Variants in MPP7 observed in about 807,000 individuals in gnomAD.
MPP7 encodes the protein MAGUK p55 scaffold protein 7.
A neutral mutation model predicts 76.5 loss-of-function variants in MPP7; 60 were observed. The ratio of observed to expected loss-of-function variants is 0.78; its 90% CI spans 0.64 to 0.97. The LOEUF (loss-of-function observed/expected upper bound fraction) is 0.97, where lower values mean the gene tolerates loss of function less well. MPP7 is among the 50% of genes least tolerant of loss of function. MPP7 has a pLI of 0.00. For missense variants in MPP7, 641 were observed against 694.0 expected, an observed-to-expected ratio of 0.92 and a Z score of 0.86; for synonymous variants, 237 against 244.5, an observed-to-expected ratio of 0.97 and a Z score of 0.29.
chr10:28,155,737 T>C (rs1447694264), intron 3 of MPP7, among the ~76,000 whole-genome samples: 1 of 152,042 alleles, frequency 6.6e-6, no homozygotes, highest in East Asian at 1.9e-4. Flanking sequence ...GAAAACCTGT[T>C]AGGAGGATAT....
intron 5 of MPP7, among the ~76,000 whole-genome samples, chr10:28,134,089 T>C (rs549088123): frequency 6.6e-6 from 1 of 152,348 alleles, no homozygotes; most frequent in South Asian, 2.1e-4. Flanking sequence ...GTCTGGGTCA[T>C]AGATATATAG....
chr10:28,145,836 CTAAT>C (rs1259685406), intron 5 of MPP7, among the ~76,000 whole-genome samples: 5 of 152,108 alleles, frequency 3.3e-5, no homozygotes, highest in East Asian at 1.9e-4. Context: ...TAAAATTTAA[CTAAT>C]TATTATAAAA....
At chr10:28,064,477 A>G (rs1398873610) in intron 13 of MPP7, among the ~76,000 whole-genome samples, 4 of 152,218 alleles carry the variant, frequency 2.6e-5, no homozygotes, top group Non-Finnish European at 5.9e-5. Context: ...CCAAGGGCAC[A>G]AGGAAATTTT....
At chr10:28,274,201 C>G (rs1840419786) in intron 1 of MPP7, among the ~76,000 whole-genome samples, 1 of 147,018 alleles carries the variant, frequency 6.8e-6, no homozygotes, top group South Asian at 2.1e-4. Flanking sequence ...CTCCCAGGTT[C>G]ATGCCATTCT....
At chr10:28,248,168 A>G (rs1839497149) in intron 1 of MPP7, among the ~76,000 whole-genome samples, 1 of 152,146 alleles carries the variant, frequency 6.6e-6, no homozygotes. Context: ...ACAGCCTGCT[A>G]GTGGACTGCT....
intron 1 of MPP7, among the ~76,000 whole-genome samples, chr10:28,277,374 A>T (rs910124080): frequency 1.5e-4 from 23 of 151,900 alleles, no homozygotes; most frequent in Non-Finnish European, 1.3e-4. Context: ...AAAAAAAAAA[A>T]AATTAATTAA....
At chr10:28,156,766 T>G (rs940601987) in intron 3 of MPP7, among the ~76,000 whole-genome samples, 1 of 152,124 alleles carries the variant, frequency 6.6e-6, no homozygotes, top group African/African-American at 2.4e-5. Flanking sequence ...ATCTACATGT[T>G]TATTAACAGG....
chr10:28,328,320 TTAACTC>T (rs1349503739), intron 2 of MPP7, among the ~76,000 whole-genome samples: 1 of 152,244 alleles, frequency 6.6e-6, no homozygotes, highest in Non-Finnish European at 1.5e-5. Context: ...AAATTGAACA[TTAACTC>T]TAGTATTCCC....
At chr10:28,125,977 G>A (rs1474714656) in intron 6 of MPP7, among the ~76,000 whole-genome samples, 1 of 152,128 alleles carries the variant, frequency 6.6e-6, no homozygotes, top group Non-Finnish European at 1.5e-5. Flanking sequence ...CTGCTAAAAA[G>A]GTATGCTTTT....
At chr10:28,181,326 C>T (rs1837051091) in intron 3 of MPP7, among the ~76,000 whole-genome samples, 1 of 152,146 alleles carries the variant, frequency 6.6e-6, no homozygotes. Context: ...ATTCCTAATT[C>T]CTATTTTATT....
chr10:28,123,985 T>G, intron 8 of MPP7, 46 bp downstream of exon 8: 2 of 1,266,022 alleles, frequency 1.6e-6, no homozygotes, highest in Non-Finnish European at 2.3e-6. Context: ...AATACAGTGA[T>G]TCGATTTTAT....
intron 1 of MPP7, among the ~76,000 whole-genome samples, chr10:28,262,194 T>TATATATATAC (rs1554860385): frequency 2.6e-4 from 5 of 19,514 alleles, no homozygotes; most frequent in Non-Finnish European, 5.9e-4. Context: ...ATTATATATA[T>TATATATATAC]ATATATATAT....
chr10:28,325,813 A>G (rs1834407395), intron 2 of MPP7, among the ~76,000 whole-genome samples: 1 of 151,998 alleles, frequency 6.6e-6, no homozygotes, highest in Admixed American at 6.6e-5. Context: ...CATTTCTACA[A>G]AAAATTTAAA....
chr10:28,161,346 C>T (rs1267066396), intron 3 of MPP7, among the ~76,000 whole-genome samples: 4 of 151,392 alleles, frequency 2.6e-5, no homozygotes, highest in Non-Finnish European at 4.4e-5. Context: ...TCCCCACCCC[C>T]TCCCACCCCC....
chr10:28,212,710 C>T (rs1179374471), intron 2 of MPP7, among the ~76,000 whole-genome samples: 4 of 152,142 alleles, frequency 2.6e-5, no homozygotes, highest in South Asian at 2.1e-4. Context: ...ACTCCGAGTG[C>T]TGTAATCTCA....
chr10:28,260,761 C>G (rs188754038), intron 1 of MPP7, among the ~76,000 whole-genome samples: 138 of 122,084 alleles, frequency 1.1e-3, no homozygotes, highest in Non-Finnish European at 2.0e-3. Context: ...AACAGAGAGA[C>G]TCCATCTCAA....
chr10:28,232,527 T>C (rs1267863132), intron 2 of MPP7, among the ~76,000 whole-genome samples: 1 of 152,172 alleles, frequency 6.6e-6, no homozygotes, highest in Non-Finnish European at 1.5e-5. Context: ...GCTAGGGAGT[T>C]AATTTTTTTA....
At chr10:28,290,161 A>G (rs1190251561) in intron 1 of MPP7, among the ~76,000 whole-genome samples, 2 of 152,214 alleles carry the variant, frequency 1.3e-5, no homozygotes, top group Admixed American at 6.5e-5. Flanking sequence ...ATTGATACAT[A>G]CAGTACATAA....
chr10:28,127,843 A>AAGAC (rs1835068429), intron 6 of MPP7, among the ~76,000 whole-genome samples: 1 of 152,188 alleles, frequency 6.6e-6, no homozygotes. Flanking sequence ...AGACAATGTG[A>AAGAC]AGACACAGGA....
Sources: allele counts gnomAD v4.1 joint callset (sites outside exome capture counted in the v4.1 genomes callset), GRCh38; gene constraint gnomAD v4.1.1; transcripts MANE v1.5; gene names NCBI Gene and HGNC (gene_info 2026-07-23, HGNC 2026-07-21).